The following KMT2C variants were observed in gnomAD, a reference collection of about 807,000 sequenced individuals.
KMT2C encodes the protein histone-lysine N-methyltransferase 2C.
A neutral mutation model predicts 507.9 loss-of-function variants in KMT2C; 88 were observed. The observed-to-expected ratio is 0.17, with a 90% CI of 0.15 to 0.21. The LOEUF (loss-of-function observed/expected upper bound fraction) is 0.21, where lower values mean the gene tolerates loss of function less well. Ranked by LOEUF, KMT2C falls within the 10% of genes least tolerant of loss-of-function variation. KMT2C has a pLI of 1.00. For synonymous variants in KMT2C, 2,049 were observed against 2,080.8 expected, an observed-to-expected ratio of 0.98 and a Z score of 0.42; for missense variants, 4,954 against 5,957.8, an observed-to-expected ratio of 0.83 and a Z score of 5.55.
intron 35 of KMT2C, 102 bp downstream of exon 35, chr7:152,182,872 T>C: frequency 2.4e-6 from 2 of 848,818 alleles, no homozygotes; most frequent in Non-Finnish European, 3.6e-6. Flanking sequence ...TAAATCAAAT[T>C]TTCATGGTCT....
At chr7:152,258,514 T>A (rs6975229) in intron 9 of KMT2C, among the ~76,000 whole-genome samples, 1 of 151,972 alleles carries the variant, frequency 6.6e-6, no homozygotes, top group East Asian at 1.9e-4. Flanking sequence ...GTTGTTGTTG[T>A]TGTTGCTGTT....
intron 2 of KMT2C, among the ~76,000 whole-genome samples, chr7:152,357,738 G>C (rs1429615689): frequency 6.6e-6 from 1 of 152,064 alleles, no homozygotes; most frequent in Non-Finnish European, 1.5e-5. Flanking sequence ...GACCTTATTG[G>C]AAAGAAACTA....
intron 1 of KMT2C, among the ~76,000 whole-genome samples, chr7:152,421,113 C>T (rs1186490524): frequency 6.6e-6 from 1 of 151,744 alleles, no homozygotes; most frequent in East Asian, 1.9e-4. Flanking sequence ...CAAAAGAAGA[C>T]ATATGTGGCC....
intron 1 of KMT2C, chr7:152,368,167 G>GA (rs1589503188): frequency 1.1e-6 from 1 of 915,298 alleles, no homozygotes; most frequent in African/African-American, 1.6e-5. Flanking sequence ...GGGTGCTGCT[G>GA]AAGTTGAAAA....
intron 1 of KMT2C, chr7:152,368,012 GAT>G (rs1327946401): frequency 3.5e-6 from 3 of 848,450 alleles, no homozygotes; most frequent in African/African-American, 3.4e-5. Flanking sequence ...ATAAAATTAA[GAT>G]ATATGATTTT....
chr7:152,145,442 T>A, intron 53 of KMT2C, 147 bp from the exon 54 acceptor site: 2 of 772,132 alleles, frequency 2.6e-6, no homozygotes. Flanking sequence ...ATGTTAACAC[T>A]ATTGGCCTGC....
chr7:152,264,969 C>T, intron 8 of KMT2C, 69 bp downstream of exon 8: 1 of 1,556,434 alleles, frequency 6.4e-7, no homozygotes, highest in Non-Finnish European at 8.7e-7. Context: ...ATTACACAAA[C>T]CTTTAGCACC....
In KMT2C at chr7:152,177,463, T is replaced by A. The variant is rs1205954007; in HGVS notation, c.7990A>T (p.Thr2664Ser). 1 of 1,614,190 alleles carries A rather than the reference T, an allele frequency of 6.2e-7. No homozygotes were observed. ...GACGTTGTTTCAGACGGTACAGATG[T>A]TGACAAAGGAGCTTCTGAAAATTCA... The part of the protein sequence containing the change: ...GGEFSEAPLS[T>S]SVPSETTSDN... Residue 2664 changes from threonine to serine, a missense_variant, in exon 38 of 59, where the codon ACA becomes TCA. Around this residue, in one of 29 missense-constraint regions of KMT2C, gnomAD observed 1,689 missense variants for 1,654.3 expected, o/e 1.02. Coordinates refer to ENST00000262189, the MANE Select transcript of KMT2C (RefSeq NM_170606.3).
At chr7:152,210,551 T>TA (rs2094432107) in intron 23 of KMT2C, among the ~76,000 whole-genome samples, 2 of 151,846 alleles carry the variant, frequency 1.3e-5, no homozygotes, top group Non-Finnish European at 2.9e-5. Flanking sequence ...TTTTTTTTTT[T>TA]TAAAAAAGCT....
rs145384916 is a variant in KMT2C at position 152,225,337 on chromosome 7, G to T, written c.2977-721C>A. Reference sequence around the variant, plus strand: ...AATGAGGGTACAGAATAAAAATTCAGATCATGAGGTACATGAAAGCCTAAA... The same window carrying T: ...AATGAGGGTACAGAATAAAAATTCATATCATGAGGTACATGAAAGCCTAAA... On this transcript the variant is annotated intron_variant, in intron 18 of 58. Transcript: ENST00000262189. Among the ~76,000 whole-genome samples the T allele has an allele frequency of 7.5e-3, 1,146 of 152,248 alleles. 4 individuals carry two copies. The highest frequency in any genetic ancestry group is 0.013 in the Non-Finnish European group (897 of 68,020).
Position 152,151,664 on chromosome 7 carries a change from C to G in KMT2C, c.12527-83G>C, listed in dbSNP as rs1160097073. ...ATGGTGAAAAATTATGCAGTATCAA[C>G]TCATTACAACATGGTTCATTAACAT... On this transcript the variant is annotated intron_variant, in intron 49 of 58. Coordinates refer to ENST00000262189, the MANE Select transcript of KMT2C (RefSeq NM_170606.3). The G allele has an allele frequency of 1.1e-5, 12 of 1,045,254 alleles. No individual in the cohort carries two copies. In the South Asian group the frequency reaches 1.6e-4, roughly 14 times the overall value. The allele number at this position is 1,045,254 out of a possible 1,614,324, so 64.7% of individuals were successfully genotyped here. A position where few individuals can be genotyped will look rare whatever the true frequency, so the allele number is the denominator to read the frequency against.
Position 152,194,077 on chromosome 7 carries a change from G to A in KMT2C, c.4592C>T (p.Ala1531Val), listed in dbSNP as rs587778491. ...EDLFTAVLSP[A>V]NTQPTPLPQP... ...TGGCAATGGAGTTGGCTGAGTGTTCGCAGGACTAAGTACAGCTGTAAATAA... is the reference window on the plus strand; with the variant it reads ...TGGCAATGGAGTTGGCTGAGTGTTCACAGGACTAAGTACAGCTGTAAATAA... The change falls in exon 31 of 59, where the codon GCG becomes GTG. Residue 1531 changes from alanine (A) to valine (V), a missense_variant. By Grantham distance (64) the Ala-to-Val change is moderately conservative. This residue lies in a region of KMT2C where 195 missense variants were observed against 183.7 expected (regional missense o/e 1.06). Transcript: ENST00000262189. The A allele has an allele frequency of 6.9e-6, 11 of 1,593,674 alleles. No individual in the cohort carries two copies. Among genetic ancestry groups the A allele is most frequent in the Admixed American group, 3.7e-5 (2 of 54,422 alleles).
chr7:152,252,475 G>T, intron 10 of KMT2C, 71 bp downstream of exon 10: 1 of 1,237,256 alleles, frequency 8.1e-7, no homozygotes, highest in South Asian at 1.3e-5. Context: ...GAAGCTGTAA[G>T]ATGGTAGAGC....
intron 46 of KMT2C, among the ~76,000 whole-genome samples, chr7:152,155,680 CTA>C (rs973333293): frequency 6.6e-6 from 1 of 152,014 alleles, no homozygotes; most frequent in Non-Finnish European, 1.5e-5. Flanking sequence ...ACTTAACTGT[CTA>C]TTAGATTATT....
At chr7:152,171,843 T>C (rs1299004180) in intron 39 of KMT2C, among the ~76,000 whole-genome samples, 1 of 152,198 alleles carries the variant, frequency 6.6e-6, no homozygotes, top group Non-Finnish European at 1.5e-5. Flanking sequence ...AATTTAAGAA[T>C]TTTCATACAT....
chr7:152,240,396 T>C (rs372707423), intron 14 of KMT2C, among the ~76,000 whole-genome samples: 3,679 of 119,990 alleles, frequency 0.031, no homozygotes, highest in African/African-American at 0.061. Context: ...TCTTTCTTCA[T>C]CTCCTGTACG....
chr7:152,409,603 C>T (rs1251110002), intron 1 of KMT2C, among the ~76,000 whole-genome samples: 3 of 149,622 alleles, frequency 2.0e-5, no homozygotes, highest in Admixed American at 6.7e-5. Context: ...TGGTGGCGGG[C>T]GCCTGTAGTC....
At chr7:152,365,876 C>T (rs979503499) in intron 1 of KMT2C, among the ~76,000 whole-genome samples, 2 of 152,062 alleles carry the variant, frequency 1.3e-5, no homozygotes, top group Admixed American at 1.3e-4. Context: ...GTCCTGGGTA[C>T]TCAGGAGGAT....
At chr7:152,182,813 C>CAG (rs2093477421) in intron 35 of KMT2C, among the ~76,000 whole-genome samples, 161 bp downstream of exon 35, 1 of 152,074 alleles carries the variant, frequency 6.6e-6, no homozygotes, top group South Asian at 2.1e-4. Context: ...CAATAAATTT[C>CAG]TCAAATCAAT....
Sources: gnomAD v4.1 joint callset for allele counts (sites outside exome capture counted in the v4.1 genomes callset) on GRCh38, gnomAD v4.1.1 for gene constraint, gnomAD v4.1.1 regional missense constraint, MANE v1.5 for transcripts, NCBI Gene and HGNC (gene_info 2026-07-23, HGNC 2026-07-21) for gene names.